KLF8: variants seen among roughly 807,000 people sequenced by gnomAD.
The protein encoded by KLF8 is KLF transcription factor 8.
Under a neutral mutation model 18.2 loss-of-function variants are expected in KLF8, and 10 were observed. The ratio of observed to expected loss-of-function variants is 0.55; its 90% CI spans 0.34 to 0.93. KLF8 has a LOEUF of 0.93. Ranked by LOEUF, KLF8 falls within the 40% of genes least tolerant of loss-of-function variation. KLF8 has a pLI of 0.02. For synonymous variants in KLF8, 109 were observed against 97.3 expected (o/e 1.12, Z -0.71); for missense variants, 264 against 277.9 (o/e 0.95, Z 0.36).
the KLF8 span, among the ~76,000 whole-genome samples, chrX:56,150,340 C>A: frequency 9.0e-6 from 1 of 111,345 alleles, no homozygotes; most frequent in African/African-American, 3.3e-5. Context: ...AACCTTAGCC[C>A]ACCACAACCC....
At chrX:56,113,635 A>G in the KLF8 span, among the ~76,000 whole-genome samples, 1 of 107,814 alleles carries the variant, frequency 9.3e-6, no homozygotes, top group African/African-American at 3.4e-5. Context: ...ATGAAAAAAC[A>G]CACAACACAA....
chrX:56,044,754 C>T, the KLF8 span, among the ~76,000 whole-genome samples: 3 of 112,135 alleles, frequency 2.7e-5, no homozygotes, highest in Non-Finnish European at 3.8e-5. Context: ...CAACCCATTG[C>T]CATTGGCTGG....
the KLF8 span, among the ~76,000 whole-genome samples, chrX:56,094,753 C>T: frequency 0.064 from 7,063 of 110,926 alleles, 208 homozygotes; most frequent in South Asian, 0.1. Flanking sequence ...ACAAAATGTG[C>T]TCCCAAACAA....
the KLF8 span, among the ~76,000 whole-genome samples, chrX:55,932,121 A>G: frequency 1.8e-5 from 2 of 110,177 alleles, no homozygotes; most frequent in Admixed American, 1.9e-4. Flanking sequence ...CCATTATGTA[A>G]TGGCCTTCTT....
the KLF8 span, among the ~76,000 whole-genome samples, chrX:56,136,190 G>A: frequency 2.7e-5 from 3 of 111,596 alleles, no homozygotes; most frequent in Admixed American, 9.5e-5. Context: ...GTAATTTACA[G>A]ATTCAATGCC....
At chrX:56,037,064 GT>G in the KLF8 span, among the ~76,000 whole-genome samples, 2 of 111,582 alleles carry the variant, frequency 1.8e-5, no homozygotes, top group African/African-American at 3.3e-5. Context: ...GAAGTCTTTA[GT>G]TTTTTTGTGT....
the KLF8 span, among the ~76,000 whole-genome samples, chrX:55,953,632 A>C: frequency 9.0e-6 from 1 of 111,289 alleles, no homozygotes; most frequent in African/African-American, 3.3e-5. Flanking sequence ...AGACATATAG[A>C]TAAGTGGAAT....
chrX:56,159,269 T>C, the KLF8 span, among the ~76,000 whole-genome samples: 1 of 112,086 alleles, frequency 8.9e-6, no homozygotes, highest in African/African-American at 3.2e-5. Flanking sequence ...CTTTTTGATG[T>C]GCTGCTGAAT....
chrX:56,242,953 T>G, intron 1 of KLF8: 1 of 463,696 alleles, frequency 2.2e-6, no homozygotes, highest in Non-Finnish European at 4.0e-6. Flanking sequence ...GATCCCAATT[T>G]TGTTGGCAAC....
upstream of KLF8, among the ~76,000 whole-genome samples, chrX:56,231,040 G>A (rs185208239): frequency 3.3e-4 from 37 of 111,967 alleles, no homozygotes; most frequent in Admixed American, 8.5e-4. Context: ...AGAAAGTAAA[G>A]CAACCCAAGG....
the KLF8 span, among the ~76,000 whole-genome samples, chrX:56,060,474 G>T: frequency 8.9e-6 from 1 of 111,989 alleles, no homozygotes; most frequent in Non-Finnish European, 1.9e-5. Context: ...TTCTGTTTAT[G>T]TGTTGGATTA....
chrX:55,962,226 G>A, the KLF8 span: 2 of 175,488 alleles, frequency 1.1e-5, no homozygotes, highest in African/African-American at 6.2e-5. Context: ...GAAGTGAAAA[G>A]CATGGCCAAC....
At chrX:56,121,758 A>C in the KLF8 span, among the ~76,000 whole-genome samples, 1 of 112,211 alleles carries the variant, frequency 8.9e-6, no homozygotes, top group South Asian at 3.7e-4. Flanking sequence ...GTGACTTATC[A>C]TATACTTCAG....
the KLF8 span, among the ~76,000 whole-genome samples, chrX:55,920,329 A>G: frequency 3.6e-5 from 4 of 111,714 alleles, no homozygotes; most frequent in East Asian, 2.8e-4. Flanking sequence ...AAGGATACAA[A>G]AAAAACAATT....
chrX:55,966,153 A>G, the KLF8 span, among the ~76,000 whole-genome samples: 12 of 111,677 alleles, frequency 1.1e-4, no homozygotes, highest in Admixed American at 4.7e-4. Flanking sequence ...AAGGTTTTTG[A>G]CTCCAGTCCC....
At chrX:56,082,763 G>A in the KLF8 span, among the ~76,000 whole-genome samples, 4 of 110,608 alleles carry the variant, frequency 3.6e-5, no homozygotes, top group African/African-American at 9.8e-5. Context: ...TTTTTCTTAC[G>A]GTACAATTTC....
At chrX:55,941,385 A>T in the KLF8 span, among the ~76,000 whole-genome samples, 1 of 112,077 alleles carries the variant, frequency 8.9e-6, no homozygotes, top group Non-Finnish European at 1.9e-5. Flanking sequence ...TGGATGAAAG[A>T]CTTAAATGTT....
Position 56,233,356 on chromosome X carries a change from G to C in KLF8, c.7+15G>C. On this transcript the variant is annotated intron_variant, in intron 1 of 5. Transcript: ENST00000468660. ...TGACATGGTCGGTAAGTGACTCTGG[G>C]ACTAATACCCACCCACTCCCACCTC... 2.6e-6 allele frequency: 3 copies of C among 1,132,260 alleles called. No individual in the cohort carries two copies. The highest frequency in any genetic ancestry group is 3.6e-6 in the Non-Finnish European group (3 of 823,151). The allele number at this position is 1,132,260 out of a possible 1,213,427, so 93.3% of individuals were successfully genotyped here.
At chrX:55,922,175 T>C in the KLF8 span, among the ~76,000 whole-genome samples, 1 of 112,866 alleles carries the variant, frequency 8.9e-6, no homozygotes, top group African/African-American at 3.2e-5. Flanking sequence ...CGTATGTTCA[T>C]TGCAGCACTA....
Sources: allele counts gnomAD v4.1 joint callset (sites outside exome capture counted in the v4.1 genomes callset), GRCh38; gene constraint gnomAD v4.1.1; transcripts MANE v1.5; gene names NCBI Gene and HGNC (gene_info 2026-07-23, HGNC 2026-07-21).